NXPE2: variants seen among roughly 807,000 people sequenced by gnomAD.
The protein encoded by NXPE2 is neurexophilin and PC-esterase domain family member 2.
In NXPE2, 34 loss-of-function variants were observed where a neutral mutation model predicts 34.4. The observed-to-expected ratio is 0.99, with a 90% CI of 0.75 to 1.31. The LOEUF (loss-of-function observed/expected upper bound fraction) is 1.31. Ranked by LOEUF, NXPE2 falls within the 40% of genes most tolerant of loss-of-function variation. The pLI, the probability that NXPE2 is intolerant of heterozygous loss-of-function variation, is 0.00. For missense variants in NXPE2, 649 were observed against 672.5 expected, an observed-to-expected ratio of 0.97 and a Z score of 0.39; for synonymous variants, 235 against 231.3, an observed-to-expected ratio of 1.02 and a Z score of -0.15.
At chr11:114,602,307 A>AG in the NXPE2 span, among the ~76,000 whole-genome samples, 1 of 116,184 alleles carries the variant, frequency 8.6e-6, no homozygotes, top group Non-Finnish European at 1.7e-5. Context: ...CATATACTAT[A>AG]TATAATATAT....
the NXPE2 span, among the ~76,000 whole-genome samples, chr11:114,548,012 CAA>C: frequency 1.3e-5 from 2 of 150,796 alleles, no homozygotes; most frequent in Admixed American, 6.6e-5. Context: ...AGAGATTGAA[CAA>C]TTAAATACCA....
the NXPE2 span, among the ~76,000 whole-genome samples, chr11:114,626,591 G>A: frequency 5.9e-5 from 9 of 152,036 alleles, no homozygotes; most frequent in East Asian, 3.9e-4. Context: ...GCAGAAAAAC[G>A]GGAAACTCTA....
At chr11:114,738,524 T>G in the NXPE2 span, among the ~76,000 whole-genome samples, 1 of 152,180 alleles carries the variant, frequency 6.6e-6, no homozygotes, top group East Asian at 1.9e-4. Context: ...TTTTTCCTCT[T>G]TAGGCCAATT....
chr11:114,612,270 T>G, the NXPE2 span, among the ~76,000 whole-genome samples: 2 of 151,910 alleles, frequency 1.3e-5, no homozygotes, highest in African/African-American at 2.4e-5. Context: ...GCCTCTTCAG[T>G]AACCACTATT....
chr11:114,465,418 A>C, the NXPE2 span, among the ~76,000 whole-genome samples: 1 of 152,194 alleles, frequency 6.6e-6, no homozygotes, highest in Non-Finnish European at 1.5e-5. Flanking sequence ...ATTTCATTTA[A>C]ATAAAATTAA....
chr11:114,480,315 ATAATC>A, the NXPE2 span, among the ~76,000 whole-genome samples: 1 of 152,214 alleles, frequency 6.6e-6, no homozygotes, highest in Admixed American at 6.5e-5. Flanking sequence ...AAGGAAAACT[ATAATC>A]CCTTGGCCAA....
chr11:114,557,776 A>G, the NXPE2 span, among the ~76,000 whole-genome samples: 1 of 151,190 alleles, frequency 6.6e-6, no homozygotes, highest in South Asian at 2.1e-4. Flanking sequence ...TGCTTCAAGA[A>G]CTATCTTTAA....
the NXPE2 span, among the ~76,000 whole-genome samples, chr11:114,514,073 C>T: frequency 1.3e-5 from 2 of 152,262 alleles, no homozygotes; most frequent in South Asian, 2.1e-4. Flanking sequence ...TGTGTACATG[C>T]ATATATAACA....
the NXPE2 span, among the ~76,000 whole-genome samples, chr11:114,764,568 T>C: frequency 6.6e-6 from 1 of 152,198 alleles, no homozygotes; most frequent in Non-Finnish European, 1.5e-5. Flanking sequence ...TACACTAGTT[T>C]CTACACTTTT....
At chr11:114,589,234 C>T in the NXPE2 span, among the ~76,000 whole-genome samples, 1 of 152,106 alleles carries the variant, frequency 6.6e-6, no homozygotes, top group Non-Finnish European at 1.5e-5. Context: ...GAACCAGTCT[C>T]AAAGATGGTC....
At chr11:114,530,219 T>C in the NXPE2 span, 23 of 1,613,268 alleles carry the variant, frequency 1.4e-5, no homozygotes, top group East Asian at 4.2e-4. Context: ...AAGATACCTC[T>C]CTATTCCGGG....
At chr11:114,697,040 T>C (rs772774796) in intron 2 of NXPE2, among the ~76,000 whole-genome samples, 8 of 152,178 alleles carry the variant, frequency 5.3e-5, no homozygotes, top group Admixed American at 1.3e-4. Flanking sequence ...AAATATGGCT[T>C]CTCTCTCTGT....
the NXPE2 span, among the ~76,000 whole-genome samples, chr11:114,633,615 T>C: frequency 2.5e-4 from 34 of 136,540 alleles, no homozygotes; most frequent in African/African-American, 2.5e-4. Flanking sequence ...CCTCCCACCC[T>C]GCCCCCAGCC....
the NXPE2 span, among the ~76,000 whole-genome samples, chr11:114,479,650 T>C: frequency 7.2e-5 from 11 of 152,074 alleles, no homozygotes; most frequent in African/African-American, 1.7e-4. Flanking sequence ...AGATGTTTAG[T>C]AGGCAGTTAG....
At chr11:114,533,512 C>T in the NXPE2 span, among the ~76,000 whole-genome samples, 4 of 152,174 alleles carry the variant, frequency 2.6e-5, no homozygotes, top group East Asian at 1.9e-4. Flanking sequence ...GAAGCACAAG[C>T]GGTCAGGGAA....
At chr11:114,496,319 A>G in the NXPE2 span, among the ~76,000 whole-genome samples, 5 of 152,238 alleles carry the variant, frequency 3.3e-5, no homozygotes, top group African/African-American at 1.2e-4. Flanking sequence ...ATGTCCCACA[A>G]TCACTGTGCT....
chr11:114,508,217 A>G, the NXPE2 span, among the ~76,000 whole-genome samples: 1 of 152,232 alleles, frequency 6.6e-6, no homozygotes, highest in Non-Finnish European at 1.5e-5. Flanking sequence ...AAGGAGAACT[A>G]CAAAACACTG....
the NXPE2 span, among the ~76,000 whole-genome samples, chr11:114,558,108 A>C: frequency 1.9e-3 from 289 of 152,218 alleles, no homozygotes; most frequent in African/African-American, 6.8e-3. Context: ...AGTTGCTCTC[A>C]AAAGGAGACT....
chr11:114,696,490 T>G (rs1490078617), intron 2 of NXPE2, among the ~76,000 whole-genome samples: 1 of 152,060 alleles, frequency 6.6e-6, no homozygotes, highest in Admixed American at 6.5e-5. Context: ...TTGTATGAAT[T>G]TATTAATATC....
Sources: allele counts gnomAD v4.1 joint callset (sites outside exome capture counted in the v4.1 genomes callset), GRCh38; gene constraint gnomAD v4.1.1; transcripts MANE v1.5; gene names NCBI Gene and HGNC (gene_info 2026-07-23, HGNC 2026-07-21).